The following FUT9 variants were observed in gnomAD, a reference collection of about 807,000 sequenced individuals.
The protein encoded by FUT9 is fucosyltransferase 9, also known as 4-galactosyl-N-acetylglucosaminide 3-alpha-L-fucosyltransferase 9.
FUT9 carries 15 observed loss-of-function variants against 29.7 expected under a neutral mutation model. That is an observed-to-expected ratio of 0.51 (90% CI 0.34 to 0.78). The LOEUF is 0.78. Among genes scored for constraint, FUT9 ranks in the 30% least tolerant of loss-of-function variants. The probability of loss-of-function intolerance (pLI) is 0.01; values close to 1 mark genes in which losing one functional copy is unlikely to be tolerated. For missense variants in FUT9, 319 were observed against 425.4 expected (o/e 0.75, Z 2.20); for synonymous variants, 169 against 153.7 (o/e 1.10, Z -0.74).
intron 1 of FUT9, among the ~76,000 whole-genome samples, chr6:96,017,091 T>G (rs1382413685): frequency 6.6e-6 from 1 of 152,230 alleles, no homozygotes; most frequent in Non-Finnish European, 1.5e-5. Flanking sequence ...TGAATCTCTT[T>G]CAGCAACAAC....
At position 96,207,674 on chromosome 6, in the gene FUT9, T is replaced by C; in HGVS notation, c.*3439T>C. 1 of 166,980 alleles carries C rather than the reference T, an allele frequency of 6.0e-6. No individual in the cohort carries two copies. The highest frequency in any genetic ancestry group is 1.9e-4 in the East Asian group (1 of 5,200). The allele number at this position is 166,980 out of a possible 1,614,324, so 10.3% of individuals were successfully genotyped here. On this transcript the variant is annotated 3_prime_UTR_variant, in exon 3 of 3. Coordinates refer to ENST00000302103, the MANE Select transcript of FUT9 (RefSeq NM_006581.4). ...AACAAAATTGGTTTGCTGTTGATTA[T>C]ACAAACCAATAATTATGCCTAGAAT...
At chr6:96,118,565 G>T (rs1228343541) in intron 2 of FUT9, among the ~76,000 whole-genome samples, 3 of 152,146 alleles carry the variant, frequency 2.0e-5, no homozygotes, top group African/African-American at 7.2e-5. Flanking sequence ...TACATAAGGT[G>T]CATAACAATG....
rs541126023 is a variant in FUT9, at chr6:96,209,437, C to T, written c.*5202C>T. On this transcript the variant is annotated 3_prime_UTR_variant, in exon 3 of 3. Coordinates refer to ENST00000302103, the MANE Select transcript of FUT9 (RefSeq NM_006581.4). Reference sequence around the variant, plus strand: ...CTTAGTTGTCTATGACTTTTGAACTCACTGCTCACTGACATCTTAATTGCC... The same window carrying T: ...CTTAGTTGTCTATGACTTTTGAACTTACTGCTCACTGACATCTTAATTGCC... 5 of 166,988 alleles carry T rather than the reference C, an allele frequency of 3.0e-5. No homozygotes were observed. The highest frequency in any genetic ancestry group is 1.2e-4 in the African/African-American group (5 of 41,550). 10.3% of individuals were successfully genotyped at this position (166,988 alleles called of 1,614,324 possible). A position where few individuals can be genotyped will look rare whatever the true frequency, so the allele number is the denominator to read the frequency against.
intron 2 of FUT9, among the ~76,000 whole-genome samples, chr6:96,118,315 AC>A (rs1246414876): frequency 1.3e-5 from 2 of 152,054 alleles, no homozygotes; most frequent in Non-Finnish European, 2.9e-5. Context: ...CTATGCAAGA[AC>A]CAAAAAAAAA....
At chr6:96,129,306 A>G (rs1466256917) in intron 2 of FUT9, among the ~76,000 whole-genome samples, 1 of 143,010 alleles carries the variant, frequency 7.0e-6, no homozygotes, top group East Asian at 2.1e-4. Flanking sequence ...ACAACCAGCC[A>G]TGGTGGCATG....
At chr6:96,194,172 TG>T (rs565429316) in intron 2 of FUT9, among the ~76,000 whole-genome samples, 75 of 152,282 alleles carry the variant, frequency 4.9e-4, no homozygotes, top group African/African-American at 1.8e-3. Flanking sequence ...CTGCATGTTG[TG>T]CACATGTACC....
chr6:96,066,151 T>C (rs914199503), intron 1 of FUT9, among the ~76,000 whole-genome samples: 11 of 152,144 alleles, frequency 7.2e-5, no homozygotes, highest in Non-Finnish European at 1.3e-4. Context: ...TCCCAATAAC[T>C]ACCTTATAGT....
intron 2 of FUT9, among the ~76,000 whole-genome samples, chr6:96,174,176 TA>T (rs1213841662): frequency 6.6e-6 from 1 of 152,106 alleles, no homozygotes; most frequent in Non-Finnish European, 1.5e-5. Flanking sequence ...GAGATGTGAT[TA>T]AATAAATACA....
intron 2 of FUT9, among the ~76,000 whole-genome samples, chr6:96,185,953 T>G (rs2127987291): frequency 6.6e-6 from 1 of 152,198 alleles, no homozygotes; most frequent in East Asian, 1.9e-4. Context: ...AGAAAAATCC[T>G]CCCCTCCAAG....
At chr6:96,128,784 G>A (rs1772178681) in intron 2 of FUT9, among the ~76,000 whole-genome samples, 1 of 151,988 alleles carries the variant, frequency 6.6e-6, no homozygotes, top group South Asian at 2.1e-4. Flanking sequence ...TCAGTGCTAA[G>A]CAACCATTGA....
At chr6:96,161,928 T>G (rs1448149216) in intron 2 of FUT9, among the ~76,000 whole-genome samples, 1 of 152,248 alleles carries the variant, frequency 6.6e-6, no homozygotes. Flanking sequence ...TAATGACATA[T>G]CTTCAAACTC....
rs1445726108 is a variant in FUT9, at chr6:96,210,501, G to A, written c.*6266G>A. 1.8e-5 allele frequency: 3 copies of A among 166,692 alleles called. No homozygotes were observed. In the East Asian group the frequency reaches 5.8e-4, roughly 32 times the overall value. 10.3% of individuals were successfully genotyped at this position (166,692 alleles called of 1,614,324 possible). A position where few individuals can be genotyped will look rare whatever the true frequency, so the allele number is the denominator to read the frequency against. ...GAGGAAGAGCCCAGAAGTCTAACAG[G>A]TGTAAATGTTCCACAGGTAATACTA... On this transcript the variant is annotated 3_prime_UTR_variant, in exon 3 of 3. Coordinates refer to ENST00000302103, the MANE Select transcript of FUT9 (RefSeq NM_006581.4).
Position 96,207,431 on chromosome 6 carries a change from G to A in FUT9, c.*3196G>A, listed in dbSNP as rs1313717814. On this transcript the variant is annotated 3_prime_UTR_variant, in exon 3 of 3. Transcript: ENST00000302103. Reference sequence around the variant, plus strand: ...GGTACACCTCATGTAGAAGAACTTCGACTTTTGAAGGTATACAATAAATAA... The same window carrying A: ...GGTACACCTCATGTAGAAGAACTTCAACTTTTGAAGGTATACAATAAATAA... 5 of 166,924 alleles carry A rather than the reference G, an allele frequency of 3.0e-5. No homozygotes were observed. Among genetic ancestry groups the A allele is most frequent in the Admixed American group, 6.6e-5 (1 of 15,264 alleles). 10.3% of individuals were successfully genotyped at this position (166,924 alleles called of 1,614,324 possible). A position where few individuals can be genotyped will look rare whatever the true frequency, so the allele number is the denominator to read the frequency against.
chr6:96,145,646 T>A (rs371419175), intron 2 of FUT9, among the ~76,000 whole-genome samples: 69 of 152,136 alleles, frequency 4.5e-4, no homozygotes, highest in African/African-American at 1.6e-3. Context: ...GAGTAAAGAT[T>A]TGAATGAAGT....
At chr6:96,036,203 T>C (rs574727674) in intron 1 of FUT9, among the ~76,000 whole-genome samples, 1 of 150,248 alleles carries the variant, frequency 6.7e-6, no homozygotes, top group African/African-American at 2.4e-5. Context: ...GAATCGAGAT[T>C]CTATATAAAT....
At chr6:96,076,867 T>C (rs1771148886) in intron 1 of FUT9, among the ~76,000 whole-genome samples, 1 of 152,196 alleles carries the variant, frequency 6.6e-6, no homozygotes, top group South Asian at 2.1e-4. Flanking sequence ...AACACTTTTT[T>C]GAAGTTTATA....
At chr6:96,087,056 G>C (rs1362494217) in intron 1 of FUT9, among the ~76,000 whole-genome samples, 6 of 152,100 alleles carry the variant, frequency 3.9e-5, no homozygotes, top group Non-Finnish European at 4.4e-5. Context: ...GTGAAGACCA[G>C]TTCTTAGCTT....
intron 1 of FUT9, among the ~76,000 whole-genome samples, chr6:96,109,416 A>C (rs1178356456): frequency 6.6e-6 from 1 of 152,190 alleles, no homozygotes; most frequent in Non-Finnish European, 1.5e-5. Flanking sequence ...GTGTGTCTCC[A>C]TATTCTTCAT....
At chr6:96,105,867 C>T (rs185000712) in intron 1 of FUT9, among the ~76,000 whole-genome samples, 3 of 152,122 alleles carry the variant, frequency 2.0e-5, no homozygotes, top group African/African-American at 7.2e-5. Context: ...TTATCAGCAT[C>T]TCTGGAAATA....
Sources: allele counts gnomAD v4.1 joint callset (sites outside exome capture counted in the v4.1 genomes callset), GRCh38; gene constraint gnomAD v4.1.1; transcripts MANE v1.5; gene names NCBI Gene and HGNC (gene_info 2026-07-23, HGNC 2026-07-21).